WNT3: variants seen among roughly 807,000 people sequenced by gnomAD.
WNT3 encodes the protein proto-oncogene Wnt-3.
WNT3 carries 7 observed loss-of-function variants against 34.2 expected under a neutral mutation model. The observed-to-expected ratio is 0.20, with a 90% CI of 0.12 to 0.38. The LOEUF (loss-of-function observed/expected upper bound fraction) is 0.38, where lower values mean the gene tolerates loss of function less well. WNT3 is among the 10% of genes least tolerant of loss of function. WNT3 has a pLI of 1.00. For missense variants in WNT3, 267 were observed against 499.8 expected (o/e 0.53, Z 4.44); for synonymous variants, 212 against 211.5 (o/e 1.00, Z -0.02).
chr17:46,780,972 T>G (rs2059455514), intron 1 of WNT3, among the ~76,000 whole-genome samples: 1 of 152,066 alleles, frequency 6.6e-6, no homozygotes, highest in Non-Finnish European at 1.5e-5. Flanking sequence ...GTGGTGGCGG[T>G]AATGCCAGCA....
intron 1 of WNT3, among the ~76,000 whole-genome samples, chr17:46,787,478 G>A (rs1413571352): frequency 6.6e-6 from 1 of 152,208 alleles, no homozygotes; most frequent in Non-Finnish European, 1.5e-5. Flanking sequence ...GAAGCGATGT[G>A]CCTTCCCTGC....
At chr17:46,767,994 G>A (rs1233565764) in intron 4 of WNT3, among the ~76,000 whole-genome samples, 1 of 152,064 alleles carries the variant, frequency 6.6e-6, no homozygotes, top group East Asian at 1.9e-4. Flanking sequence ...CACCATGTTG[G>A]CCAGGCCGGT....
chr17:46,797,989 C>T (rs528429784), intron 1 of WNT3, among the ~76,000 whole-genome samples: 38 of 152,236 alleles, frequency 2.5e-4, no homozygotes, highest in African/African-American at 7.9e-4. Flanking sequence ...AGTGCAGTGG[C>T]GTGATCCCGG....
chr17:46,770,231 A>G (rs990332925), intron 2 of WNT3, among the ~76,000 whole-genome samples, 183 bp from the exon 3 acceptor site: 2 of 152,218 alleles, frequency 1.3e-5, no homozygotes, highest in Non-Finnish European at 2.9e-5. Flanking sequence ...CCAGTTGGGT[A>G]TTCCCACTTC....
intron 2 of WNT3, among the ~76,000 whole-genome samples, chr17:46,771,258 G>A (rs540735316): frequency 6.6e-6 from 1 of 152,126 alleles, no homozygotes; most frequent in East Asian, 1.9e-4. Flanking sequence ...GACCGAGGAC[G>A]GCGGCAAGGG....
rs1193384576 is a variant in WNT3 at position 46,768,148 on chromosome 17, C to A, written c.*8+164G>T. On this transcript the variant is annotated intron_variant, in intron 4 of 4. Transcript: ENST00000225512. The surrounding 1 kb of genome is among the most constrained non-coding windows in gnomAD (Gnocchi z 5.0). Reference sequence around the variant, plus strand: ...CCAAGTCTCTGCCCAAGGACCATTCCCACGGATGCTTGAAAAATCCTAGCT... The same window carrying A: ...CCAAGTCTCTGCCCAAGGACCATTCACACGGATGCTTGAAAAATCCTAGCT... Among the ~76,000 whole-genome samples, 2 of 152,168 alleles carry A rather than the reference C, an allele frequency of 1.3e-5. No homozygotes were observed. The highest frequency in any genetic ancestry group is 2.9e-5 in the Non-Finnish European group (2 of 68,026).
chr17:46,796,020 T>C (rs1220189576), intron 1 of WNT3, among the ~76,000 whole-genome samples: 3 of 150,862 alleles, frequency 2.0e-5, no homozygotes, highest in Admixed American at 6.6e-5. Context: ...GTCGGCAGGG[T>C]AATTATCAGT....
chr17:46,802,418 A>G (rs1283957628), intron 1 of WNT3, among the ~76,000 whole-genome samples: 1 of 152,172 alleles, frequency 6.6e-6, no homozygotes, highest in Non-Finnish European at 1.5e-5. Context: ...GGCACCTGCC[A>G]CCATGCTCGG....
chr17:46,766,361 T>A (rs2059313106), intron 4 of WNT3, among the ~76,000 whole-genome samples: 1 of 151,656 alleles, frequency 6.6e-6, no homozygotes, highest in South Asian at 2.1e-4. Context: ...TGAGCCGAGA[T>A]TGCGCACTTC....
intron 1 of WNT3, among the ~76,000 whole-genome samples, chr17:46,787,554 C>A (rs1321292651): frequency 6.6e-6 from 1 of 152,336 alleles, no homozygotes; most frequent in East Asian, 1.9e-4. Flanking sequence ...CCAGCCAGAG[C>A]TTGTCTCTCT....
intron 1 of WNT3, among the ~76,000 whole-genome samples, chr17:46,777,209 C>T (rs954270414): frequency 7.6e-5 from 11 of 145,008 alleles, no homozygotes; most frequent in African/African-American, 2.9e-4. Flanking sequence ...GACTTCGTCT[C>T]AAAAAAAAAA....
At chr17:46,766,065 A>G (rs2059310308) in intron 4 of WNT3, among the ~76,000 whole-genome samples, 1 of 152,170 alleles carries the variant, frequency 6.6e-6, no homozygotes, top group Non-Finnish European at 1.5e-5. Flanking sequence ...TTGAGGAAAA[A>G]AAACACTCAT....
intron 1 of WNT3, among the ~76,000 whole-genome samples, chr17:46,774,196 T>A (rs1482246001): frequency 6.6e-6 from 1 of 152,226 alleles, no homozygotes; most frequent in African/African-American, 2.4e-5. Context: ...AAAAGAGGTT[T>A]GGACTAGAAA....
rs544842967 is a variant in WNT3 at position 46,810,660 on chromosome 17, C to A, written c.80+7858G>T. Among the ~76,000 whole-genome samples the A allele has an allele frequency of 9.9e-5, 15 of 152,178 alleles. 1 individual carries two copies. The South Asian group carries it at 2.9e-3, about 30-fold the overall frequency. On this transcript the variant is annotated intron_variant, in intron 1 of 4. Transcript: ENST00000225512. ...TGTAGAGTTTAGAGCTCTGCACCCC[C>A]CACCCTTCCCTGAGACCAGCTTTCA...
At chr17:46,774,117 T>A (rs2059396445) in intron 1 of WNT3, among the ~76,000 whole-genome samples, 1 of 152,220 alleles carries the variant, frequency 6.6e-6, no homozygotes, top group Non-Finnish European at 1.5e-5. Context: ...TCTGGCTGCA[T>A]CCAGCTTGCA....
rs187118264 is a variant in WNT3, at chr17:46,793,741, C to T, written c.81-19832G>A. Among the ~76,000 whole-genome samples, 14 of 152,316 alleles carry T rather than the reference C, an allele frequency of 9.2e-5. No homozygotes were observed. The East Asian group carries it at 1.2e-3, about 13-fold the overall frequency. On this transcript the variant is annotated intron_variant, in intron 1 of 4. Transcript: ENST00000225512. The stretch of plus-strand genomic sequence containing the variant: ...GAGAGAGGCCAGGGTAGATGACACA[C>T]GTTCCCAGCACCTTCCAACCTGCAA...
intron 1 of WNT3, among the ~76,000 whole-genome samples, chr17:46,776,960 C>T (rs1255350786): frequency 6.6e-6 from 1 of 152,146 alleles, no homozygotes; most frequent in African/African-American, 2.4e-5. Flanking sequence ...GGCCTGGGCA[C>T]CCTCAAGCTA....
chr17:46,769,546 C>A (rs751099484), intron 3 of WNT3, among the ~76,000 whole-genome samples: 9 of 152,102 alleles, frequency 5.9e-5, no homozygotes, highest in Non-Finnish European at 1.2e-4. Context: ...CACGGGGTGG[C>A]CATGCTCCCA....
chr17:46,771,439 G>C (rs1598756788), intron 2 of WNT3, among the ~76,000 whole-genome samples: 1 of 150,490 alleles, frequency 6.6e-6, no homozygotes, highest in African/African-American at 2.4e-5. Flanking sequence ...GGCCTCTCGC[G>C]GCGGCAGCGG....
Sources: allele counts gnomAD v4.1 joint callset (sites outside exome capture counted in the v4.1 genomes callset), GRCh38; gene constraint gnomAD v4.1.1; non-coding constraint Gnocchi (gnomAD v3.1); transcripts MANE v1.5; gene names NCBI Gene and HGNC (gene_info 2026-07-23, HGNC 2026-07-21).